The following TMEM117 variants were observed in gnomAD, a reference collection of about 807,000 sequenced individuals.
The protein encoded by TMEM117 is transmembrane protein 117.
In TMEM117, 27 loss-of-function variants were observed where a neutral mutation model predicts 52.4. That is an observed-to-expected ratio of 0.51 (90% CI 0.38 to 0.71). The LOEUF (loss-of-function observed/expected upper bound fraction) is 0.71. TMEM117 is among the 30% of genes least tolerant of loss of function. The probability of loss-of-function intolerance (pLI) is 0.00; values close to 1 mark genes in which losing one functional copy is unlikely to be tolerated. For missense variants in TMEM117, 556 were observed against 630.5 expected, an observed-to-expected ratio of 0.88 and a Z score of 1.26; for synonymous variants, 215 against 206.3, an observed-to-expected ratio of 1.04 and a Z score of -0.36.
At chr12:44,274,843 A>G (rs1950493227) in intron 5 of TMEM117, among the ~76,000 whole-genome samples, 2 of 152,158 alleles carry the variant, frequency 1.3e-5, no homozygotes, top group African/African-American at 4.8e-5. Context: ...TCAGCCTATG[A>G]TACTACTAAT....
At chr12:44,259,413 CAAAG>C (rs1182595005) in intron 5 of TMEM117, among the ~76,000 whole-genome samples, 11 of 152,110 alleles carry the variant, frequency 7.2e-5, no homozygotes, top group African/African-American at 2.4e-4. Flanking sequence ...AGTCAGGATT[CAAAG>C]CAAAGTTTGT....
At chr12:44,397,070 T>A in the TMEM117 span, among the ~76,000 whole-genome samples, 1 of 152,108 alleles carries the variant, frequency 6.6e-6, no homozygotes, top group Non-Finnish European at 1.5e-5. Flanking sequence ...GTATCCCAGT[T>A]GAGCCAGAAA....
chr12:43,940,635 G>C (rs936932000), intron 2 of TMEM117, among the ~76,000 whole-genome samples: 1 of 151,670 alleles, frequency 6.6e-6, no homozygotes, highest in Non-Finnish European at 1.5e-5. Flanking sequence ...TCCAACTCCC[G>C]GGTTCAAGTG....
intron 6 of TMEM117, among the ~76,000 whole-genome samples, chr12:44,352,982 G>T (rs953054970): frequency 6.6e-6 from 1 of 151,922 alleles, no homozygotes; most frequent in African/African-American, 2.4e-5. Flanking sequence ...TTTAATGATC[G>T]CCATTCTAAC....
At chr12:44,086,216 T>C (rs1392515922) in intron 3 of TMEM117, among the ~76,000 whole-genome samples, 1 of 93,436 alleles carries the variant, frequency 1.1e-5, no homozygotes, top group South Asian at 2.7e-4. Flanking sequence ...TTCCAAGTCT[T>C]TTTTTTTTTT....
intron 3 of TMEM117, among the ~76,000 whole-genome samples, chr12:44,121,981 A>T (rs1948243233): frequency 6.6e-6 from 1 of 151,172 alleles, no homozygotes; most frequent in African/African-American, 2.4e-5. Context: ...GTGTTAATTC[A>T]CTTACGGTAA....
At chr12:44,096,027 T>C (rs1947754485) in intron 3 of TMEM117, among the ~76,000 whole-genome samples, 1 of 152,166 alleles carries the variant, frequency 6.6e-6, no homozygotes, top group South Asian at 2.1e-4. Context: ...AGTCTCAGGA[T>C]ACAAAATCAA....
intron 3 of TMEM117, among the ~76,000 whole-genome samples, chr12:44,122,425 C>T (rs557630936): frequency 2.6e-5 from 4 of 151,932 alleles, no homozygotes; most frequent in Admixed American, 6.6e-5. Flanking sequence ...CTTTTAAGTT[C>T]GGGGTACAGG....
At chr12:44,237,232 G>T (rs1292489273) in intron 5 of TMEM117, among the ~76,000 whole-genome samples, 8 of 151,944 alleles carry the variant, frequency 5.3e-5, no homozygotes, top group Non-Finnish European at 1.2e-4. Flanking sequence ...CGTTTCATCT[G>T]CTTAGTTTTT....
At chr12:44,053,297 T>C (rs1947003818) in intron 3 of TMEM117, among the ~76,000 whole-genome samples, 1 of 152,176 alleles carries the variant, frequency 6.6e-6, no homozygotes, top group Admixed American at 6.6e-5. Context: ...GTAGTTACTA[T>C]AGTTACAATG....
intron 4 of TMEM117, among the ~76,000 whole-genome samples, chr12:44,173,467 G>T (rs1278459296): frequency 6.6e-6 from 1 of 151,892 alleles, no homozygotes; most frequent in African/African-American, 2.4e-5. Flanking sequence ...TTACAGTTGG[G>T]GGCCATTTGC....
chr12:43,896,049 C>T (rs1187819957), intron 2 of TMEM117, among the ~76,000 whole-genome samples: 1 of 152,204 alleles, frequency 6.6e-6, no homozygotes, highest in Non-Finnish European at 1.5e-5. Flanking sequence ...AGTCCTCTGA[C>T]TCAAATGTCA....
intron 4 of TMEM117, among the ~76,000 whole-genome samples, chr12:44,178,647 C>T (rs1028580241): frequency 4.6e-5 from 7 of 152,124 alleles, no homozygotes; most frequent in African/African-American, 1.7e-4. Flanking sequence ...GAAAAGAGAT[C>T]CTAGACATGG....
chr12:43,880,348 A>G (rs1943875000), intron 2 of TMEM117, among the ~76,000 whole-genome samples: 1 of 152,226 alleles, frequency 6.6e-6, no homozygotes, highest in African/African-American at 2.4e-5. Context: ...TTACATGGTT[A>G]CATAACTTTT....
intron 5 of TMEM117, among the ~76,000 whole-genome samples, chr12:44,258,600 C>T (rs1950286854): frequency 6.6e-6 from 1 of 151,872 alleles, no homozygotes; most frequent in Non-Finnish European, 1.5e-5. Context: ...TTTATTCAAA[C>T]TCTTTTGAAA....
At chr12:44,357,615 A>G (rs554172660) in intron 6 of TMEM117, among the ~76,000 whole-genome samples, 2 of 152,116 alleles carry the variant, frequency 1.3e-5, no homozygotes, top group African/African-American at 4.8e-5. Flanking sequence ...TCAAAACCGC[A>G]ACAAGATACC....
intron 3 of TMEM117, among the ~76,000 whole-genome samples, chr12:44,036,035 G>A (rs898611874): frequency 2.6e-4 from 40 of 152,152 alleles, no homozygotes; most frequent in African/African-American, 9.2e-4. Flanking sequence ...ATTTAGCTCT[G>A]TGCTTTTCTA....
intron 5 of TMEM117, among the ~76,000 whole-genome samples, chr12:44,216,822 G>C (rs886758165): frequency 6.6e-6 from 1 of 152,086 alleles, no homozygotes; most frequent in African/African-American, 2.4e-5. Flanking sequence ...AAATCCTATG[G>C]AAATCCATAG....
At chr12:44,093,342 C>A (rs1465836443) in intron 3 of TMEM117, among the ~76,000 whole-genome samples, 1 of 152,066 alleles carries the variant, frequency 6.6e-6, no homozygotes, top group African/African-American at 2.4e-5. Flanking sequence ...TCATCAATCC[C>A]AGTTTGATAA....
Sources: gnomAD v4.1 joint callset for allele counts (sites outside exome capture counted in the v4.1 genomes callset) on GRCh38, gnomAD v4.1.1 for gene constraint, MANE v1.5 for transcripts, NCBI Gene and HGNC (gene_info 2026-07-23, HGNC 2026-07-21) for gene names.